The following TMEM131 variants were observed in gnomAD, a reference collection of about 807,000 sequenced individuals.
TMEM131 encodes 2610524E03Rik.
A neutral mutation model predicts 211.6 loss-of-function variants in TMEM131; 66 were observed. The ratio of observed to expected loss-of-function variants is 0.31; its 90% CI spans 0.26 to 0.38. TMEM131 has a LOEUF of 0.38. TMEM131 is among the 10% of genes least tolerant of loss of function. TMEM131 has a pLI of 1.00. For synonymous variants in TMEM131, 844 were observed against 841.3 expected (o/e 1.00, Z -0.06); for missense variants, 2,036 against 2,299.3 (o/e 0.89, Z 2.34).
At chr2:97,940,828 A>C (rs1014149885) in intron 1 of TMEM131, among the ~76,000 whole-genome samples, 1 of 151,804 alleles carries the variant, frequency 6.6e-6, no homozygotes, top group Non-Finnish European at 1.5e-5. Context: ...AAAAAAAGAC[A>C]AAAACAAATG....
chr2:97,822,715 G>T (rs549620567), intron 11 of TMEM131, among the ~76,000 whole-genome samples: 1 of 152,180 alleles, frequency 6.6e-6, no homozygotes, highest in African/African-American at 2.4e-5. Flanking sequence ...CTGCTGCGTT[G>T]GTGAGTGCAA....
chr2:97,960,254 A>G (rs1678759735), intron 1 of TMEM131, among the ~76,000 whole-genome samples: 2 of 152,230 alleles, frequency 1.3e-5, no homozygotes, highest in African/African-American at 4.8e-5. Flanking sequence ...GTCAATGATT[A>G]CAGTGGCAGT....
At position 97,844,264 on chromosome 2, in the gene TMEM131, G is replaced by A; in HGVS notation, c.484-3C>T. On this transcript the variant is annotated splice_polypyrimidine_tract_variant and splice_region_variant and intron_variant, in intron 5 of 40. Transcript: ENST00000186436. ...GTATTTCCTCCTGGAAGAATTTTCT[G>A]AAACAGAAAATAAAGTTAAATTTGT... The A allele has an allele frequency of 8.6e-7, 1 of 1,159,954 alleles. No homozygotes were observed. The allele number at this position is 1,159,954 out of a possible 1,614,324, so 71.9% of individuals were successfully genotyped here.
intron 15 of TMEM131, among the ~76,000 whole-genome samples, chr2:97,813,565 A>G (rs940484472): frequency 6.6e-6 from 1 of 151,830 alleles, no homozygotes; most frequent in African/African-American, 2.4e-5. Flanking sequence ...TTACTATCTG[A>G]TTCTCTTCTT....
intron 10 of TMEM131, 23 bp downstream of exon 10, chr2:97,834,598 A>AG: frequency 6.7e-7 from 1 of 1,502,326 alleles, no homozygotes. Context: ...CTCCATAAAG[A>AG]CTCTTTTAAA....
intron 11 of TMEM131, among the ~76,000 whole-genome samples, chr2:97,831,999 A>C (rs1573430794): frequency 8.9e-6 from 1 of 112,914 alleles, no homozygotes; most frequent in African/African-American, 3.6e-5. Flanking sequence ...TGTGTAAGTC[A>C]CTTCCAAAAA....
At chr2:97,779,523 A>G (rs78523272) in intron 31 of TMEM131, among the ~76,000 whole-genome samples, 1,779 of 152,310 alleles carry the variant, frequency 0.012, 6 homozygotes, top group Non-Finnish European at 0.019. Context: ...CAGAGAAAGG[A>G]GAGACTCTTC....
chr2:97,934,275 A>G (rs1247418552), intron 1 of TMEM131, among the ~76,000 whole-genome samples: 1 of 152,194 alleles, frequency 6.6e-6, no homozygotes, highest in African/African-American at 2.4e-5. Context: ...GCCATTTACG[A>G]CTCCAAATAA....
intron 40 of TMEM131, 98 bp from the exon 41 acceptor site, chr2:97,757,481 C>T (rs1182381421): frequency 7.5e-7 from 1 of 1,325,228 alleles, no homozygotes; most frequent in African/African-American, 1.5e-5. Flanking sequence ...CTGGGGCACG[C>T]ATTCCTCTTA....
intron 1 of TMEM131, among the ~76,000 whole-genome samples, chr2:97,994,970 T>A (rs139359952): frequency 6.6e-6 from 1 of 152,242 alleles, no homozygotes; most frequent in Non-Finnish European, 1.5e-5. Flanking sequence ...TTAGGTCTAA[T>A]AATAAAGTTA....
intron 11 of TMEM131, among the ~76,000 whole-genome samples, chr2:97,831,126 G>A (rs1682662231): frequency 6.6e-6 from 1 of 152,184 alleles, no homozygotes; most frequent in Non-Finnish European, 1.5e-5. Flanking sequence ...CAGGCTGATT[G>A]CTAAATCAGA....
chr2:97,949,954 TCC>T (rs947000024), intron 1 of TMEM131, among the ~76,000 whole-genome samples: 60 of 152,168 alleles, frequency 3.9e-4, no homozygotes, highest in African/African-American at 1.2e-3. Context: ...AAGGCCTTAC[TCC>T]AAAATTGCAA....
intron 3 of TMEM131, among the ~76,000 whole-genome samples, chr2:97,894,878 AC>A (rs1344010325): frequency 7.9e-5 from 12 of 152,066 alleles, no homozygotes; most frequent in Admixed American, 5.9e-4. Flanking sequence ...CTCTTGCCTG[AC>A]TGCCCTGGCC....
At chr2:97,943,083 AAGAAAG>A (rs1559464670) in intron 1 of TMEM131, among the ~76,000 whole-genome samples, 3 of 140,300 alleles carry the variant, frequency 2.1e-5, no homozygotes, top group African/African-American at 8.0e-5. Context: ...GAAAGAAAGA[AAGAAAG>A]AAAGAAAGAA....
chr2:97,960,482 C>G (rs954678454), intron 1 of TMEM131, among the ~76,000 whole-genome samples: 1 of 151,698 alleles, frequency 6.6e-6, no homozygotes, highest in Non-Finnish European at 1.5e-5. Flanking sequence ...TTGTGTTGTT[C>G]TAACTTGTTT....
chr2:97,920,968 C>A (rs1273045772), intron 2 of TMEM131, among the ~76,000 whole-genome samples: 1 of 101,534 alleles, frequency 9.8e-6, no homozygotes, highest in East Asian at 2.3e-4. Context: ...TAAAAAATCC[C>A]GAGTGTGTGT....
chr2:97,793,140 C>G, intron 30 of TMEM131, 156 bp from the exon 31 acceptor site: 1 of 647,408 alleles, frequency 1.5e-6, no homozygotes, highest in East Asian at 2.8e-5. Context: ...TCTCTAACAT[C>G]TGTTCTATCT....
chr2:97,844,989 TAA>T (rs1559396773), intron 5 of TMEM131, among the ~76,000 whole-genome samples: 2 of 152,086 alleles, frequency 1.3e-5, no homozygotes, highest in Non-Finnish European at 2.9e-5. Context: ...TACATGGTAG[TAA>T]GACTCTGGCT....
At chr2:97,905,983 A>G (rs1185062698) in intron 3 of TMEM131, among the ~76,000 whole-genome samples, 1 of 152,214 alleles carries the variant, frequency 6.6e-6, no homozygotes. Context: ...TGTGTTGATG[A>G]AATGACAAAA....
Sources: gnomAD v4.1 joint callset for allele counts (sites outside exome capture counted in the v4.1 genomes callset) on GRCh38, gnomAD v4.1.1 for gene constraint, MANE v1.5 for transcripts, NCBI Gene and HGNC (gene_info 2026-07-23, HGNC 2026-07-21) for gene names.